DIP2C: variants seen among roughly 807,000 people sequenced by gnomAD.
The protein encoded by DIP2C is disco-interacting protein 2 homolog C.
DIP2C carries 33 observed loss-of-function variants against 192.4 expected under a neutral mutation model. The observed-to-expected ratio is 0.17, with a 90% CI of 0.13 to 0.23. DIP2C has a LOEUF of 0.23. Ranked by LOEUF, DIP2C falls within the 10% of genes least tolerant of loss-of-function variation. The pLI is 1.00. For synonymous variants in DIP2C, 979 were observed against 864.1 expected (o/e 1.13, Z -2.33); for missense variants, 1,537 against 2,110.1 (o/e 0.73, Z 5.32).
rs1417377209 is a variant in DIP2C, at chr10:341,293, T to G, written c.3490A>C (p.Ile1164Leu). ...HAATSAFCRS[I>L]KLQCELYPSR... Reference sequence around the variant, plus strand: ...GGGTAAAGTTCACACTGCAGCTTAATGGAACGGCAGAAGGCACTGGTGGCT... The same window carrying G: ...GGGTAAAGTTCACACTGCAGCTTAAGGGAACGGCAGAAGGCACTGGTGGCT... The change falls in exon 29 of 37, where the codon ATT (isoleucine) becomes CTT (leucine). Residue 1164 changes from isoleucine (I) to leucine (L), a missense_variant. Coordinates refer to ENST00000280886, the MANE Select transcript of DIP2C (RefSeq NM_014974.3). 6.2e-7 allele frequency: 1 copy of G among 1,614,016 alleles called. No homozygotes were observed. Among genetic ancestry groups the G allele is most frequent in the Non-Finnish European group, 8.5e-7 (1 of 1,180,048 alleles).
intron 29 of DIP2C, among the ~76,000 whole-genome samples, chr10:338,681 T>C (rs1209386819): frequency 6.6e-6 from 1 of 152,132 alleles, no homozygotes; most frequent in East Asian, 1.9e-4. Flanking sequence ...CCGCACTGAT[T>C]TCTAATTCCC....
At chr10:519,708 C>CA (rs1846579104) in intron 1 of DIP2C, among the ~76,000 whole-genome samples, 1 of 152,272 alleles carries the variant, frequency 6.6e-6, no homozygotes, top group African/African-American at 2.4e-5. Context: ...AAGGGCGCAC[C>CA]TGAGCTCATT....
chr10:564,201 G>A (rs982689667), intron 1 of DIP2C, among the ~76,000 whole-genome samples: 4 of 152,066 alleles, frequency 2.6e-5, no homozygotes, highest in African/African-American at 9.7e-5. Flanking sequence ...CAGGCCCTCG[G>A]GGGAGAACGT....
chr10:435,260 C>T (rs1967084536), intron 4 of DIP2C, among the ~76,000 whole-genome samples: 1 of 152,178 alleles, frequency 6.6e-6, no homozygotes, highest in Admixed American at 6.5e-5. Flanking sequence ...TAAAACCCCA[C>T]CAGGTTAGTC....
intron 29 of DIP2C, among the ~76,000 whole-genome samples, chr10:336,347 C>T (rs1315659080): frequency 1.5e-5 from 2 of 133,232 alleles, no homozygotes; most frequent in South Asian, 2.5e-4. Flanking sequence ...AAGCACACCA[C>T]GTTACTTGTG....
intron 1 of DIP2C, among the ~76,000 whole-genome samples, chr10:679,576 C>T (rs554720975): frequency 3.8e-5 from 5 of 130,566 alleles, no homozygotes; most frequent in African/African-American, 1.4e-4. Flanking sequence ...ATCCTCCCCC[C>T]ACCCATGCTC....
intron 36 of DIP2C, 54 bp downstream of exon 36, chr10:281,146 T>C (rs1044936694): frequency 5.0e-6 from 8 of 1,600,458 alleles, no homozygotes; most frequent in South Asian, 1.1e-5. Flanking sequence ...ACATTCTCAA[T>C]GCTTCACAAA....
chr10:442,729 T>C (rs1380510253), intron 3 of DIP2C, among the ~76,000 whole-genome samples: 1 of 152,216 alleles, frequency 6.6e-6, no homozygotes, highest in Non-Finnish European at 1.5e-5. Context: ...TGTTTCAATG[T>C]ATTTCCTAAA....
At chr10:459,573 G>A (rs1218768589) in intron 3 of DIP2C, among the ~76,000 whole-genome samples, 2 of 151,948 alleles carry the variant, frequency 1.3e-5, no homozygotes, top group African/African-American at 4.9e-5. Flanking sequence ...TCACATCAGG[G>A]AACCACATGC....
At chr10:585,501 A>G (rs1018072020) in intron 1 of DIP2C, among the ~76,000 whole-genome samples, 2 of 152,264 alleles carry the variant, frequency 1.3e-5, no homozygotes, top group African/African-American at 4.8e-5. Flanking sequence ...ACCTGGCTCC[A>G]GGATCACGGC....
chr10:620,365 G>C (rs1013705248), intron 1 of DIP2C, among the ~76,000 whole-genome samples: 3 of 152,068 alleles, frequency 2.0e-5, no homozygotes, highest in Admixed American at 6.6e-5. Flanking sequence ...CTAAACCACA[G>C]GCCTGTTTTC....
chr10:420,963 G>C (rs946152508), intron 5 of DIP2C, among the ~76,000 whole-genome samples: 2 of 152,182 alleles, frequency 1.3e-5, no homozygotes, highest in Non-Finnish European at 2.9e-5. Flanking sequence ...GATCACACAC[G>C]CTACTTTCCT....
intron 4 of DIP2C, among the ~76,000 whole-genome samples, chr10:433,573 C>T (rs566144030): frequency 3.3e-5 from 5 of 152,130 alleles, no homozygotes; most frequent in African/African-American, 4.8e-5. Flanking sequence ...CCCAGCTACT[C>T]GGGAGGCTGA....
At chr10:396,833 G>T (rs1052393553) in intron 10 of DIP2C, among the ~76,000 whole-genome samples, 4 of 64,498 alleles carry the variant, frequency 6.2e-5, no homozygotes, top group African/African-American at 1.5e-4. Context: ...CGGTGGGGGG[G>T]GGGGAAACTG....
At chr10:542,674 G>C (rs540297978) in intron 1 of DIP2C, among the ~76,000 whole-genome samples, 1 of 152,188 alleles carries the variant, frequency 6.6e-6, no homozygotes, top group Admixed American at 6.5e-5. Flanking sequence ...ATCAGATTGG[G>C]AAGTGGGGGG....
chr10:646,048 G>T (rs1470821282), intron 1 of DIP2C, among the ~76,000 whole-genome samples: 2 of 152,212 alleles, frequency 1.3e-5, no homozygotes, highest in Non-Finnish European at 2.9e-5. Flanking sequence ...TAGAGTTTAA[G>T]ATTTATTTTG....
chr10:570,367 C>T (rs758879646), intron 1 of DIP2C, among the ~76,000 whole-genome samples: 4 of 152,228 alleles, frequency 2.6e-5, no homozygotes, highest in Admixed American at 2.6e-4. Context: ...CCCACAAAGG[C>T]CTGGGCATGA....
At chr10:537,849 T>G (rs1169608204) in intron 1 of DIP2C, among the ~76,000 whole-genome samples, 1 of 151,792 alleles carries the variant, frequency 6.6e-6, no homozygotes. Flanking sequence ...TGGAGTGCAG[T>G]GGCGATCTCG....
At chr10:466,320 A>T (rs1970196808) in intron 3 of DIP2C, among the ~76,000 whole-genome samples, 1 of 144,658 alleles carries the variant, frequency 6.9e-6, no homozygotes, top group Admixed American at 7.1e-5. Flanking sequence ...TGGTGCTGGG[A>T]AAACTGGCTA....
Sources: allele counts gnomAD v4.1 joint callset (sites outside exome capture counted in the v4.1 genomes callset), GRCh38; gene constraint gnomAD v4.1.1; transcripts MANE v1.5; gene names NCBI Gene and HGNC (gene_info 2026-07-23, HGNC 2026-07-21).